IL1R1: variants seen among roughly 807,000 people sequenced by gnomAD.
The protein encoded by IL1R1 is interleukin 1 receptor type 1, also known as interleukin-1 receptor type 1.
In IL1R1, 22 loss-of-function variants were observed where a neutral mutation model predicts 50.2. The observed-to-expected ratio is 0.44, with a 90% CI of 0.31 to 0.63. The LOEUF (loss-of-function observed/expected upper bound fraction) is 0.63. Among genes scored for constraint, IL1R1 ranks in the 20% least tolerant of loss-of-function variants. The probability of loss-of-function intolerance (pLI) is 0.07; values close to 1 mark genes in which losing one functional copy is unlikely to be tolerated. For synonymous variants in IL1R1, 251 were observed against 236.7 expected, an observed-to-expected ratio of 1.06 and a Z score of -0.55; for missense variants, 509 against 676.2, an observed-to-expected ratio of 0.75 and a Z score of 2.74.
chr2:102,111,790 C>T (rs771860301), intron 1 of IL1R1, among the ~76,000 whole-genome samples: 2 of 152,128 alleles, frequency 1.3e-5, no homozygotes, highest in South Asian at 2.1e-4. Context: ...GGGATGGGGT[C>T]TCAGGAGACA....
At chr2:102,078,362 AG>A (rs1033967976) in intron 1 of IL1R1, among the ~76,000 whole-genome samples, 3 of 152,116 alleles carry the variant, frequency 2.0e-5, no homozygotes, top group African/African-American at 7.2e-5. Context: ...AACTAAAATC[AG>A]GAATTAAAGA....
intron 1 of IL1R1, among the ~76,000 whole-genome samples, chr2:102,074,852 T>C (rs1678891906): frequency 6.6e-6 from 1 of 152,202 alleles, no homozygotes; most frequent in African/African-American, 2.4e-5. Context: ...TCTTCTTTAC[T>C]AAACATTTCT....
intron 7 of IL1R1, among the ~76,000 whole-genome samples, chr2:102,170,539 C>T (rs575006176): frequency 1.1e-3 from 161 of 152,182 alleles, no homozygotes; most frequent in Middle Eastern, 6.8e-3. Flanking sequence ...ATAAATTAGT[C>T]AGATAATAAA....
At chr2:102,110,082 C>A (rs1680661775) in intron 1 of IL1R1, among the ~76,000 whole-genome samples, 1 of 152,138 alleles carries the variant, frequency 6.6e-6, no homozygotes, top group East Asian at 1.9e-4. Context: ...AGGTGAAAGT[C>A]TTTTTCTCTT....
chr2:102,136,885 A>G (rs1682373286), intron 1 of IL1R1, among the ~76,000 whole-genome samples: 2 of 152,340 alleles, frequency 1.3e-5, no homozygotes, highest in Non-Finnish European at 2.9e-5. Context: ...TCTTCCAAGT[A>G]TCTTTACTAG....
intron 1 of IL1R1, among the ~76,000 whole-genome samples, chr2:102,113,521 A>T (rs1284566051): frequency 6.6e-6 from 1 of 152,236 alleles, no homozygotes; most frequent in Non-Finnish European, 1.5e-5. Flanking sequence ...TGCCCCCTGA[A>T]TATTGATGTG....
At chr2:102,108,090 G>GTAT (rs1043613005) in intron 1 of IL1R1, among the ~76,000 whole-genome samples, 1 of 152,078 alleles carries the variant, frequency 6.6e-6, no homozygotes, top group Non-Finnish European at 1.5e-5. Context: ...ATGCAAAATG[G>GTAT]TATTATTATT....
intron 1 of IL1R1, among the ~76,000 whole-genome samples, chr2:102,080,542 C>T (rs761155515): frequency 3.3e-5 from 5 of 152,012 alleles, no homozygotes; most frequent in South Asian, 2.1e-4. Context: ...ACTAGAATGA[C>T]GGGATGAAAG....
Position 102,176,945 on chromosome 2 carries a change from A to G in IL1R1, c.*186A>G. On this transcript the variant is annotated 3_prime_UTR_variant, in exon 12 of 12. Transcript: ENST00000410023. ...CGTCAATAGCAGCCCAGGGCACTTC[A>G]GAGTAGAGGGCTTGGGAAGATCTTT... is the stretch of plus-strand genomic sequence containing the variant. 3.3e-6 allele frequency: 2 copies of G among 607,490 alleles called. No individual in the cohort carries two copies. The highest frequency in any genetic ancestry group is 5.7e-6 in the Non-Finnish European group (2 of 349,418). The allele number at this position is 607,490 out of a possible 1,614,324, so 37.6% of individuals were successfully genotyped here.
intron 1 of IL1R1, among the ~76,000 whole-genome samples, chr2:102,112,579 C>T (rs1680832048): frequency 6.6e-6 from 1 of 151,964 alleles, no homozygotes; most frequent in African/African-American, 2.4e-5. Context: ...ACAGAATTGC[C>T]CCAATCAGGT....
chr2:102,148,715 G>T (rs949905116), intron 1 of IL1R1, among the ~76,000 whole-genome samples: 1 of 152,258 alleles, frequency 6.6e-6, no homozygotes, highest in Non-Finnish European at 1.5e-5. Flanking sequence ...GCCAGGGCTT[G>T]TGTGAGTATG....
At chr2:102,148,759 C>T (rs1032717148) in intron 1 of IL1R1, among the ~76,000 whole-genome samples, 4 of 152,262 alleles carry the variant, frequency 2.6e-5, no homozygotes, top group African/African-American at 9.6e-5. Context: ...GTGTGTGGTT[C>T]TATGGCTTTG....
chr2:102,110,657 A>C (rs1680705132), intron 1 of IL1R1, among the ~76,000 whole-genome samples: 1 of 151,654 alleles, frequency 6.6e-6, no homozygotes, highest in Non-Finnish European at 1.5e-5. Flanking sequence ...CAAATACAAC[A>C]GTCTGACAGG....
At chr2:102,099,373 G>A (rs185916504) in intron 1 of IL1R1, among the ~76,000 whole-genome samples, 2 of 152,282 alleles carry the variant, frequency 1.3e-5, no homozygotes, top group East Asian at 3.9e-4. Flanking sequence ...CAGGGATGGG[G>A]CAAACACTGT....
In IL1R1 at chr2:102,134,236, C is replaced by T. The variant is rs116209363; in HGVS notation, c.-83-19705C>T. On this transcript the variant is annotated intron_variant, in intron 1 of 10. Coordinates refer to the IL1R1 transcript ENST00000409329. The stretch of plus-strand genomic sequence containing the variant: ...AGAGACTATTCTGCCCCTGAGCCCA[C>T]GATGTGCCTGGCACTGTTCTTGTCG... Among the ~76,000 whole-genome samples the T allele has an allele frequency of 3.8e-3, 524 of 138,130 alleles. 2 individuals are homozygous for T. The highest frequency in any genetic ancestry group is 0.014 in the African/African-American group (500 of 35,402). The allele number at this position is 138,130 out of a possible 152,430, so 90.6% of individuals were successfully genotyped here.
rs544853399 is a variant in IL1R1, at chr2:102,072,189, G to A, written c.-84+1656G>A. Among the ~76,000 whole-genome samples the A allele has an allele frequency of 2.6e-5, 4 of 152,040 alleles. No homozygotes were observed. In the South Asian group the frequency reaches 8.3e-4, roughly 32 times the overall value. ...GCAGGAGAACTGCTTGAACCCGGGA[G>A]GTGGAGGTTGCAGTGAGCCGAGATT... On this transcript the variant is annotated intron_variant, in intron 1 of 11. Coordinates refer to the IL1R1 transcript ENST00000409929.
At position 102,175,613 on chromosome 2, in the gene IL1R1, TC is replaced by T; in HGVS notation, c.1272del (p.Phe424LeufsTer21). On this transcript the variant is annotated frameshift_variant, in exon 11 of 12. Coordinates refer to ENST00000410023, the MANE Select transcript of IL1R1 (RefSeq NM_000877.4). LOFTEE classifies it low-confidence loss of function (END_TRUNC). ...GAAAAACAGTGTGGATATAAGCTGT[TC>T]ATTTATGGAAGGGATGACTACGTTG... ...VLEKQCGYKL[F>X]IYGRDDYVGE... 6.2e-7 allele frequency: 1 copy of T among 1,614,102 alleles called. No individual in the cohort carries two copies. The highest frequency in any genetic ancestry group is 8.5e-7 in the Non-Finnish European group (1 of 1,179,988).
upstream of IL1R1, among the ~76,000 whole-genome samples, chr2:102,100,423 T>A (rs1048314997): frequency 1.3e-5 from 2 of 152,230 alleles, no homozygotes; most frequent in African/African-American, 2.4e-5. Context: ...CATACTCTTC[T>A]AATTGACTCA....
intron 1 of IL1R1, among the ~76,000 whole-genome samples, chr2:102,091,883 T>A (rs964893837): frequency 1.1e-4 from 16 of 152,230 alleles, no homozygotes; most frequent in Admixed American, 2.6e-4. Context: ...GCAAAATTTG[T>A]CTTTCTGTGT....
Sources: gnomAD v4.1 joint callset for allele counts (sites outside exome capture counted in the v4.1 genomes callset) on GRCh38, gnomAD v4.1.1 for gene constraint, MANE v1.5 for transcripts, NCBI Gene and HGNC (gene_info 2026-07-23, HGNC 2026-07-21) for gene names.